Variants in SAMSN1 observed in about 807,000 individuals in gnomAD.
SAMSN1 encodes the protein SAM domain, SH3 domain and nuclear localization signals 1, also known as SAM domain-containing protein SAMSN-1.
In SAMSN1, 31 loss-of-function variants were observed where a neutral mutation model predicts 42.0. The observed-to-expected ratio is 0.74, with a 90% CI of 0.55 to 1.00. The LOEUF (loss-of-function observed/expected upper bound fraction) is 1.00, where lower values mean the gene tolerates loss of function less well. SAMSN1 is among the 50% of genes least tolerant of loss of function. The pLI is 0.00. For synonymous variants in SAMSN1, 178 were observed against 151.9 expected (o/e 1.17, Z -1.26); for missense variants, 464 against 439.4 (o/e 1.06, Z -0.50).
At chr21:14,619,305 G>C (rs1043849379) in intron 2 of SAMSN1, among the ~76,000 whole-genome samples, 14 of 152,174 alleles carry the variant, frequency 9.2e-5, no homozygotes, top group Admixed American at 5.9e-4. Context: ...TTGTTGCCTA[G>C]CTAATGGAAA....
intron 2 of SAMSN1, among the ~76,000 whole-genome samples, chr21:14,637,329 A>C (rs1255115695): frequency 1.3e-5 from 2 of 152,238 alleles, no homozygotes; most frequent in African/African-American, 4.8e-5. Flanking sequence ...AGCATACAAA[A>C]ATCTCATTAA....
In SAMSN1 at chr21:14,500,534, G is replaced by C; in HGVS notation, c.763C>G (p.Leu255Val). The part of the protein sequence containing the change: ...TLQEFLERIH[L>V]QEYTSTLLLN... ...CAGAACACAGATTTGCTCACCTGCA[G>C]ATGAATCCTCTCTAGGAACTCCTGC... The change falls in exon 6 of 8, where the codon CTG (leucine) becomes GTG (valine). Residue 255 changes from leucine to valine, a missense_variant. Transcript: ENST00000400566. The C allele has an allele frequency of 6.2e-7, 1 of 1,613,880 alleles. No homozygotes were observed. The highest frequency in any genetic ancestry group is 8.5e-7 in the Non-Finnish European group (1 of 1,179,820).
intron 1 of SAMSN1, chr21:14,583,200 A>C (rs1453431398): frequency 6.5e-6 from 1 of 154,028 alleles, no homozygotes; most frequent in African/African-American, 2.4e-5. Flanking sequence ...CAATTGCTCT[A>C]TGTCATGGAA....
intron 1 of SAMSN1, among the ~76,000 whole-genome samples, chr21:14,644,005 C>A (rs1983657059): frequency 6.6e-6 from 1 of 152,200 alleles, no homozygotes; most frequent in Non-Finnish European, 1.5e-5. Flanking sequence ...AATCTCTGAT[C>A]CCAATGGTCC....
rs150503486 is a variant in SAMSN1, at chr21:14,621,409, G to A, written c.157-5393C>T. ...CTCTTTCCTAGCCAAGGGAAGCTGC[G>A]ACAGATGGCACCTGGAAAATCGGGT... On this transcript the variant is annotated intron_variant, in intron 2 of 15. Transcript: ENST00000647101. 5.4e-3 allele frequency among the ~76,000 whole-genome samples: 819 copies of A among 152,270 alleles called. 7 individuals carry two copies. The highest frequency in any genetic ancestry group is 0.025 in the South Asian group (119 of 4,822).
At chr21:14,573,503 G>A (rs1040341) in intron 2 of SAMSN1, among the ~76,000 whole-genome samples, 3 of 151,758 alleles carry the variant, frequency 2.0e-5, no homozygotes, top group Admixed American at 2.0e-4. Context: ...AAGGAGATGG[G>A]ATAGAGGAAG....
intron 2 of SAMSN1, among the ~76,000 whole-genome samples, chr21:14,637,729 C>A (rs1272269125): frequency 6.6e-6 from 1 of 152,056 alleles, no homozygotes; most frequent in East Asian, 1.9e-4. Context: ...AAAAAAAGGT[C>A]TTAATCTATT....
At chr21:14,654,495 G>A (rs112181521) in intron 1 of SAMSN1, among the ~76,000 whole-genome samples, 3,090 of 152,054 alleles carry the variant, frequency 0.02, 43 homozygotes, top group Non-Finnish European at 0.031. Flanking sequence ...AAACCCTGAG[G>A]GGTAGCATGC....
intron 2 of SAMSN1, among the ~76,000 whole-genome samples, chr21:14,576,699 A>T (rs1174608095): frequency 6.6e-6 from 1 of 152,200 alleles, no homozygotes; most frequent in Admixed American, 6.5e-5. Context: ...TTCATACAAG[A>T]TTCCAAAAAA....
At chr21:14,597,088 AT>A (rs201618882) in intron 6 of SAMSN1, among the ~76,000 whole-genome samples, 1,544 of 152,232 alleles carry the variant, frequency 0.01, 33 homozygotes, top group African/African-American at 0.036. Flanking sequence ...AAAGACTATC[AT>A]TTGGTTGACA....
intron 1 of SAMSN1, 80 bp downstream of exon 1, chr21:14,546,125 G>T: frequency 8.3e-7 from 1 of 1,202,996 alleles, no homozygotes; most frequent in Non-Finnish European, 1.2e-6. Context: ...TGAGAACATT[G>T]TATGTGTTCA....
chr21:14,657,529 A>T (rs985216974), intron 1 of SAMSN1, among the ~76,000 whole-genome samples: 5 of 151,896 alleles, frequency 3.3e-5, no homozygotes, highest in African/African-American at 4.8e-5. Context: ...TTATAGAAAC[A>T]TTAGCATACT....
chr21:14,560,087 T>A (rs1980897899), intron 2 of SAMSN1, among the ~76,000 whole-genome samples: 1 of 152,174 alleles, frequency 6.6e-6, no homozygotes, highest in African/African-American at 2.4e-5. Context: ...GAGAATCCAA[T>A]GTAACATGTT....
In SAMSN1 at chr21:14,601,175, C is replaced by A. The variant is rs1332122577; in HGVS notation, c.399+848G>T. Reference sequence around the variant, plus strand: ...TCTCATCCATGCACTGTGGGAGAACCCACTGGGAGATACTACAAGGGCAAT... The same window carrying A: ...TCTCATCCATGCACTGTGGGAGAACACACTGGGAGATACTACAAGGGCAAT... On this transcript the variant is annotated intron_variant, in intron 6 of 15. Transcript: ENST00000647101. 2.6e-5 allele frequency among the ~76,000 whole-genome samples: 4 copies of A among 152,202 alleles called. No homozygotes were observed. In the South Asian group the frequency reaches 6.2e-4, roughly 24 times the overall value.
exon 1 of SAMSN1, chr21:14,583,344 T>G: frequency 4.2e-6 from 1 of 240,480 alleles, no homozygotes; most frequent in South Asian, 8.2e-5. Context: ...TACATCAAAA[T>G]TCAAATACAT....
At chr21:14,590,114 C>T (rs1461406655) in intron 7 of SAMSN1, among the ~76,000 whole-genome samples, 1 of 152,034 alleles carries the variant, frequency 6.6e-6, no homozygotes, top group East Asian at 1.9e-4. Flanking sequence ...TTTTTTAATG[C>T]TCCCATGTAT....
chr21:14,638,402 C>A (rs1233158751), intron 2 of SAMSN1, among the ~76,000 whole-genome samples: 1 of 152,082 alleles, frequency 6.6e-6, no homozygotes, highest in East Asian at 1.9e-4. Flanking sequence ...TTTTCAAGTA[C>A]TCAATTGCCA....
At chr21:14,640,977 T>A (rs943863891) in intron 2 of SAMSN1, among the ~76,000 whole-genome samples, 2 of 146,848 alleles carry the variant, frequency 1.4e-5, no homozygotes, top group Admixed American at 7.0e-5. Context: ...TAGTTGGCCA[T>A]GAAATGGTTT....
intron 7 of SAMSN1, among the ~76,000 whole-genome samples, chr21:14,489,496 T>G (rs1001214879): frequency 7.9e-5 from 12 of 152,164 alleles, no homozygotes; most frequent in Non-Finnish European, 7.4e-5. Flanking sequence ...TAAAACGGTA[T>G]AATTTTTCAA....
Sources: allele counts gnomAD v4.1 joint callset (sites outside exome capture counted in the v4.1 genomes callset), GRCh38; gene constraint gnomAD v4.1.1; transcripts MANE v1.5; gene names NCBI Gene and HGNC (gene_info 2026-07-23, HGNC 2026-07-21).